The following STXBP5L variants were observed in gnomAD, a reference collection of about 807,000 sequenced individuals.
STXBP5L encodes syntaxin-binding protein 5-like.
A neutral mutation model predicts 144.5 loss-of-function variants in STXBP5L; 65 were observed. That is an observed-to-expected ratio of 0.45 (90% CI 0.37 to 0.55). The LOEUF is 0.55. Ranked by LOEUF, STXBP5L falls within the 20% of genes least tolerant of loss-of-function variation. The pLI is 0.00. For synonymous variants in STXBP5L, 505 were observed against 469.6 expected (o/e 1.08, Z -0.97); for missense variants, 1,298 against 1,405.5 (o/e 0.92, Z 1.22).
intron 20 of STXBP5L, among the ~76,000 whole-genome samples, chr3:121,324,199 A>G (rs2044070258): frequency 6.6e-6 from 1 of 152,148 alleles, no homozygotes; most frequent in South Asian, 2.1e-4. Flanking sequence ...ACAAAGGAGT[A>G]TCAAACTCTG....
chr3:121,347,239 G>A (rs2108599852), intron 20 of STXBP5L, among the ~76,000 whole-genome samples: 1 of 152,180 alleles, frequency 6.6e-6, no homozygotes, highest in East Asian at 1.9e-4. Context: ...TTTTTGTCAG[G>A]TTTGTCAAAG....
intron 5 of STXBP5L, among the ~76,000 whole-genome samples, chr3:121,111,760 T>A (rs1374139009): frequency 6.6e-6 from 1 of 151,888 alleles, no homozygotes; most frequent in Non-Finnish European, 1.5e-5. Flanking sequence ...GCAGAGGGGG[T>A]GCACTGTGGT....
chr3:121,403,058 G>A (rs182582508), intron 22 of STXBP5L, among the ~76,000 whole-genome samples: 2 of 152,194 alleles, frequency 1.3e-5, no homozygotes, highest in African/African-American at 4.8e-5. Context: ...TTCAATCTCA[G>A]CAATCACCAT....
chr3:121,261,849 T>A (rs530483827), intron 18 of STXBP5L, among the ~76,000 whole-genome samples: 6 of 152,338 alleles, frequency 3.9e-5, no homozygotes, highest in African/African-American at 1.4e-4. Flanking sequence ...GAGAAGTTTC[T>A]TAGTCCATTT....
intron 5 of STXBP5L, among the ~76,000 whole-genome samples, chr3:121,086,055 A>T (rs1034650157): frequency 6.6e-6 from 1 of 152,172 alleles, no homozygotes; most frequent in Non-Finnish European, 1.5e-5. Flanking sequence ...AACAAAAGCA[A>T]TGGGGAAATA....
At chr3:120,996,644 C>A (rs1943371864) in intron 3 of STXBP5L, among the ~76,000 whole-genome samples, 2 of 152,114 alleles carry the variant, frequency 1.3e-5, no homozygotes, top group Admixed American at 1.3e-4. Context: ...TGGTAGCCAC[C>A]ATTTTACCCT....
chr3:121,137,631 C>G (rs2045318963), intron 7 of STXBP5L, among the ~76,000 whole-genome samples: 1 of 152,098 alleles, frequency 6.6e-6, no homozygotes, highest in Non-Finnish European at 1.5e-5. Context: ...TCAACATATT[C>G]AAATCAACAA....
intron 3 of STXBP5L, among the ~76,000 whole-genome samples, chr3:121,006,066 G>A (rs1023769811): frequency 1.3e-5 from 2 of 152,128 alleles, no homozygotes; most frequent in African/African-American, 2.4e-5. Flanking sequence ...TGTCTGTTAG[G>A]TCTGCTTGGT....
intron 19 of STXBP5L, among the ~76,000 whole-genome samples, chr3:121,283,649 G>A (rs1473397041): frequency 6.6e-6 from 1 of 151,966 alleles, no homozygotes; most frequent in Non-Finnish European, 1.5e-5. Flanking sequence ...CAATGGCAGA[G>A]TTGAGTAGCT....
In STXBP5L at chr3:121,420,818, G is replaced by A. The variant is rs1419910963; in HGVS notation, c.*1721G>A. The A allele has an allele frequency of 6.6e-6, 1 of 151,798 alleles. No individual in the cohort carries two copies. The highest frequency in any genetic ancestry group is 2.4e-5 in the African/African-American group (1 of 41,318). 9.4% of individuals were successfully genotyped at this position (151,798 alleles called of 1,614,324 possible). A position where few individuals can be genotyped will look rare whatever the true frequency, so the allele number is the denominator to read the frequency against. Reference sequence around the variant, plus strand: ...TATTTCCTTTTTAGTCTAATTTTTTGCTAGAAGTTGTACTTTCTAGCAAAT... The same window carrying A: ...TATTTCCTTTTTAGTCTAATTTTTTACTAGAAGTTGTACTTTCTAGCAAAT... On this transcript the variant is annotated 3_prime_UTR_variant, in exon 27 of 27. Coordinates refer to ENST00000471454, the MANE Select transcript of STXBP5L (RefSeq NM_001308330.2).
At position 121,093,285 on chromosome 3, in the gene STXBP5L, A is replaced by G. The variant is rs575670329; in HGVS notation, c.471-21640A>G. On this transcript the variant is annotated intron_variant, in intron 5 of 26. Coordinates refer to ENST00000471454, the MANE Select transcript of STXBP5L (RefSeq NM_001308330.2). ...TTGGTATCAGGATGATGCTGGCCTC[A>G]TAAAATGAGTTAGGGAGGATTCCCT... 7.3e-3 allele frequency among the ~76,000 whole-genome samples: 1,113 copies of G among 152,302 alleles called. 12 individuals are homozygous for G. Among genetic ancestry groups the G allele is most frequent in the African/African-American group, 0.026 (1,068 of 41,556 alleles).
intron 3 of STXBP5L, among the ~76,000 whole-genome samples, chr3:120,978,983 T>C (rs1941423971): frequency 1.3e-5 from 2 of 152,212 alleles, no homozygotes; most frequent in East Asian, 1.9e-4. Flanking sequence ...TTATGCTGCT[T>C]GGGGGTCAGG....
In STXBP5L at chr3:121,369,784, T is replaced by A. The variant is rs116615204; in HGVS notation, c.2177-8932T>A. ...TGCCTTTAAAATAGTTTCATTCATT[T>A]TGATGTTGGGGAATCTGATGGTTAT... On this transcript the variant is annotated intron_variant, in intron 20 of 26. Transcript: ENST00000471454. Among the ~76,000 whole-genome samples, 736 of 152,360 alleles carry A rather than the reference T, an allele frequency of 4.8e-3. 10 individuals carry two copies. Among genetic ancestry groups the A allele is most frequent in the African/African-American group, 0.016 (678 of 41,596 alleles).
At chr3:120,959,483 G>A (rs1231055914) in intron 3 of STXBP5L, among the ~76,000 whole-genome samples, 1 of 152,162 alleles carries the variant, frequency 6.6e-6, no homozygotes, top group East Asian at 1.9e-4. Flanking sequence ...GAGGCATCAT[G>A]CTACCTGACT....
chr3:121,313,815 A>G (rs2043664617), intron 19 of STXBP5L, among the ~76,000 whole-genome samples: 1 of 131,136 alleles, frequency 7.6e-6, no homozygotes, highest in African/African-American at 2.9e-5. Flanking sequence ...TGGTTGCCGG[A>G]CGGAGGGGCT....
At chr3:120,957,015 G>A (rs909487510) in intron 3 of STXBP5L, among the ~76,000 whole-genome samples, 3 of 151,832 alleles carry the variant, frequency 2.0e-5, no homozygotes, top group Admixed American at 6.6e-5. Flanking sequence ...TAGTAAAAGG[G>A]TCTAATCTCA....
intron 19 of STXBP5L, among the ~76,000 whole-genome samples, chr3:121,284,119 G>GT (rs2051154334): frequency 6.6e-6 from 1 of 151,942 alleles, no homozygotes; most frequent in Non-Finnish European, 1.5e-5. Context: ...ATGATGTAAA[G>GT]TTTTTAAAAG....
At chr3:121,231,700 A>G (rs1055900658) in intron 11 of STXBP5L, among the ~76,000 whole-genome samples, 2 of 152,146 alleles carry the variant, frequency 1.3e-5, no homozygotes, top group Non-Finnish European at 2.9e-5. Flanking sequence ...TTCCCAGTGA[A>G]TCACCCAATG....
At chr3:121,050,525 A>G (rs1477541465) in intron 5 of STXBP5L, among the ~76,000 whole-genome samples, 2 of 152,138 alleles carry the variant, frequency 1.3e-5, no homozygotes, top group African/African-American at 4.8e-5. Context: ...TTTACAGACA[A>G]GCAAATGCTG....
Sources: gnomAD v4.1 joint callset for allele counts (sites outside exome capture counted in the v4.1 genomes callset) on GRCh38, gnomAD v4.1.1 for gene constraint, MANE v1.5 for transcripts, NCBI Gene and HGNC (gene_info 2026-07-23, HGNC 2026-07-21) for gene names.